Variants in NELL1 observed in about 807,000 individuals in gnomAD.
NELL1 encodes the protein protein kinase C-binding protein NELL1.
Under a neutral mutation model 107.4 loss-of-function variants are expected in NELL1, and 76 were observed. That is an observed-to-expected ratio of 0.71 (90% CI 0.59 to 0.86). The LOEUF (loss-of-function observed/expected upper bound fraction) is 0.86, where lower values mean the gene tolerates loss of function less well. Ranked by LOEUF, NELL1 falls within the 40% of genes least tolerant of loss-of-function variation. NELL1 has a pLI of 0.00. For synonymous variants in NELL1, 353 were observed against 341.2 expected (o/e 1.03, Z -0.38); for missense variants, 1,024 against 1,005.5 (o/e 1.02, Z -0.25).
At chr11:21,142,685 T>C (rs1470404271) in intron 13 of NELL1, among the ~76,000 whole-genome samples, 1 of 152,186 alleles carries the variant, frequency 6.6e-6, no homozygotes, top group African/African-American at 2.4e-5. Context: ...TTTTCCTTGT[T>C]ATCCCAATTC....
intron 2 of NELL1, among the ~76,000 whole-genome samples, chr11:20,698,507 C>A (rs1206767543): frequency 6.6e-6 from 1 of 152,112 alleles, no homozygotes; most frequent in Non-Finnish European, 1.5e-5. Context: ...ACAAATTAAC[C>A]TTGGGCAAAT....
rs551705455 is a variant in NELL1 at position 20,983,961 on chromosome 11, C to T, written c.1300+23401C>T. On this transcript the variant is annotated intron_variant, in intron 12 of 19. Coordinates refer to ENST00000357134, the MANE Select transcript of NELL1 (RefSeq NM_006157.5). Reference sequence around the variant, plus strand: ...GTCTCCATTCACATTAGCCATCCCTCAGTAACATATCTTCTAGTCCCTCTT... The same window carrying T: ...GTCTCCATTCACATTAGCCATCCCTTAGTAACATATCTTCTAGTCCCTCTT... 2.0e-5 allele frequency among the ~76,000 whole-genome samples: 3 copies of T among 152,254 alleles called. No homozygotes were observed. In the South Asian group the frequency reaches 6.2e-4, roughly 32 times the overall value.
intron 12 of NELL1, among the ~76,000 whole-genome samples, chr11:21,066,764 A>T (rs557138183): frequency 9.7e-4 from 148 of 152,136 alleles, no homozygotes; most frequent in Non-Finnish European, 1.9e-3. Flanking sequence ...AGCCTGGCTC[A>T]GCAACATGGT....
chr11:21,084,436 C>T (rs1854341369), intron 12 of NELL1, among the ~76,000 whole-genome samples: 1 of 152,120 alleles, frequency 6.6e-6, no homozygotes, highest in Non-Finnish European at 1.5e-5. Flanking sequence ...ACTTTCTAAA[C>T]ATAGTATTTT....
At chr11:20,701,286 T>G (rs1854778767) in intron 2 of NELL1, among the ~76,000 whole-genome samples, 1 of 152,190 alleles carries the variant, frequency 6.6e-6, no homozygotes, top group African/African-American at 2.4e-5. Context: ...TTCATGTGTC[T>G]TTTGGCTGCA....
intron 12 of NELL1, among the ~76,000 whole-genome samples, chr11:21,030,556 A>G (rs1349519792): frequency 6.6e-6 from 1 of 151,926 alleles, no homozygotes; most frequent in Non-Finnish European, 1.5e-5. Context: ...CCATTGCCTC[A>G]TATAATTCAA....
At chr11:20,851,524 C>T (rs995540457) in intron 4 of NELL1, among the ~76,000 whole-genome samples, 2 of 152,112 alleles carry the variant, frequency 1.3e-5, no homozygotes, top group Non-Finnish European at 2.9e-5. Context: ...CCTGAAGAAA[C>T]CTTCCTTAGA....
intron 12 of NELL1, among the ~76,000 whole-genome samples, chr11:21,036,139 C>T (rs540985589): frequency 5.9e-5 from 9 of 152,074 alleles, no homozygotes; most frequent in African/African-American, 2.2e-4. Context: ...TTCACAATTG[C>T]CACACAAAAA....
chr11:21,242,776 A>G (rs2133900364), intron 14 of NELL1, among the ~76,000 whole-genome samples: 1 of 152,234 alleles, frequency 6.6e-6, no homozygotes, highest in Admixed American at 6.5e-5. Context: ...GTTGCTTTTT[A>G]TCTAAGCCTC....
At chr11:21,525,922 A>T (rs536811265) in intron 15 of NELL1, among the ~76,000 whole-genome samples, 14 of 152,274 alleles carry the variant, frequency 9.2e-5, no homozygotes, top group Non-Finnish European at 1.9e-4. Flanking sequence ...TGCCCCTATC[A>T]TTCTGCCCTG....
At position 21,101,434 on chromosome 11, in the gene NELL1, A is replaced by G. The variant is rs1016949148; in HGVS notation, c.1301-12155A>G. 1.3e-5 allele frequency among the ~76,000 whole-genome samples: 2 copies of G among 152,194 alleles called. 1 individual carries two copies. The highest frequency in any genetic ancestry group is 2.9e-5 in the Non-Finnish European group (2 of 68,042). On this transcript the variant is annotated intron_variant, in intron 12 of 19. Coordinates refer to ENST00000357134, the MANE Select transcript of NELL1 (RefSeq NM_006157.5). Reference sequence around the variant, plus strand: ...GCCACACTGACTTCCACAATGGTTGAACTAGTTTACAGTCCCAACAACAGT... The same window carrying G: ...GCCACACTGACTTCCACAATGGTTGGACTAGTTTACAGTCCCAACAACAGT...
chr11:20,788,529 C>T (rs896696576), intron 3 of NELL1, among the ~76,000 whole-genome samples: 5 of 151,790 alleles, frequency 3.3e-5, no homozygotes, highest in Admixed American at 3.3e-4. Context: ...AGATAATTTG[C>T]CCACATTTAA....
intron 3 of NELL1, among the ~76,000 whole-genome samples, chr11:20,798,303 G>A (rs1156720049): frequency 6.6e-6 from 1 of 152,162 alleles, no homozygotes; most frequent in Non-Finnish European, 1.5e-5. Flanking sequence ...AAGCCAAGAA[G>A]TATCATAGCA....
chr11:21,157,198 C>T (rs7927336), intron 13 of NELL1, among the ~76,000 whole-genome samples: 50,493 of 150,840 alleles, frequency 0.33, 8,637 homozygotes, highest in Middle Eastern at 0.41. Context: ...TATATATATA[C>T]ACACACCAAA....
At chr11:21,220,047 C>G (rs1479714970) in intron 13 of NELL1, among the ~76,000 whole-genome samples, 2 of 152,190 alleles carry the variant, frequency 1.3e-5, no homozygotes, top group Non-Finnish European at 2.9e-5. Context: ...ATCATGAGAA[C>G]AGCAATTGGG....
intron 14 of NELL1, among the ~76,000 whole-genome samples, chr11:21,234,952 A>C (rs1222755196): frequency 6.6e-6 from 1 of 152,226 alleles, no homozygotes; most frequent in Non-Finnish European, 1.5e-5. Flanking sequence ...AAGTTATTAT[A>C]GTAAGGTATC....
At chr11:21,573,520 A>G (rs1857152640) in intron 19 of NELL1, 111 bp downstream of exon 19, 1 of 892,348 alleles carries the variant, frequency 1.1e-6, no homozygotes, top group Admixed American at 2.0e-5. Flanking sequence ...CATGGTGGAA[A>G]CTCTGGCATA....
chr11:21,324,164 A>C (rs749563232), intron 14 of NELL1, among the ~76,000 whole-genome samples: 3 of 152,098 alleles, frequency 2.0e-5, no homozygotes, highest in Non-Finnish European at 4.4e-5. Flanking sequence ...CTGCAACCCT[A>C]TGAGACAGTC....
chr11:20,756,994 G>C (rs1301364503), intron 2 of NELL1, among the ~76,000 whole-genome samples: 1 of 152,144 alleles, frequency 6.6e-6, no homozygotes, highest in African/African-American at 2.4e-5. Flanking sequence ...CAGACTGGAA[G>C]AGAACAGACT....
Sources: gnomAD v4.1 joint callset for allele counts (sites outside exome capture counted in the v4.1 genomes callset) on GRCh38, gnomAD v4.1.1 for gene constraint, MANE v1.5 for transcripts, NCBI Gene and HGNC (gene_info 2026-07-23, HGNC 2026-07-21) for gene names.